Variants in WDR27 observed in about 807,000 individuals in gnomAD.
WDR27 encodes the protein WD repeat-containing protein 27.
A neutral mutation model predicts 114.4 loss-of-function variants in WDR27; 100 were observed. The ratio of observed to expected loss-of-function variants is 0.87; its 90% CI spans 0.74 to 1.03. The LOEUF (loss-of-function observed/expected upper bound fraction) is 1.03, where lower values mean the gene tolerates loss of function less well. Among genes scored for constraint, WDR27 ranks in the 50% least tolerant of loss-of-function variants. The probability of loss-of-function intolerance (pLI) is 0.00; values close to 1 mark genes in which losing one functional copy is unlikely to be tolerated. For synonymous variants in WDR27, 449 were observed against 423.1 expected, an observed-to-expected ratio of 1.06 and a Z score of -0.75; for missense variants, 1,129 against 1,092.9, an observed-to-expected ratio of 1.03 and a Z score of -0.47.
chr6:169,492,262 C>T (rs1789867988), intron 25 of WDR27, among the ~76,000 whole-genome samples: 2 of 147,968 alleles, frequency 1.4e-5, no homozygotes, highest in East Asian at 2.0e-4. Flanking sequence ...CTAGACAAAA[C>T]ACATTTGAAG....
intron 14 of WDR27, among the ~76,000 whole-genome samples, chr6:169,649,723 C>G (rs749079584): frequency 5.3e-5 from 8 of 151,968 alleles, no homozygotes; most frequent in Non-Finnish European, 1.2e-4. Flanking sequence ...CATCACCCAT[C>G]CATTCACTCA....
rs987884300 is a variant in WDR27 at position 169,555,907 on chromosome 6, C to T, written c.2645+16512G>A. On this transcript the variant is annotated intron_variant, in intron 25 of 25. Transcript: ENST00000448612. Reference sequence around the variant, plus strand: ...TTGTTTTTAACACGTGTTGCTGGAGCAAACCGATACTCATATAGGGAAAAA... The same window carrying T: ...TTGTTTTTAACACGTGTTGCTGGAGTAAACCGATACTCATATAGGGAAAAA... Among the ~76,000 whole-genome samples the T allele has an allele frequency of 2.0e-5, 3 of 152,068 alleles. No homozygotes were observed. In the East Asian group the frequency reaches 5.8e-4, roughly 29 times the overall value.
At chr6:169,604,652 A>G (rs1808736811) in intron 22 of WDR27, among the ~76,000 whole-genome samples, 1 of 152,158 alleles carries the variant, frequency 6.6e-6, no homozygotes, top group East Asian at 1.9e-4. Context: ...ACAAAGAAAG[A>G]AAACTGCAGT....
intron 25 of WDR27, among the ~76,000 whole-genome samples, chr6:169,466,121 C>T (rs1785549284): frequency 6.6e-6 from 1 of 152,206 alleles, no homozygotes; most frequent in Non-Finnish European, 1.5e-5. Flanking sequence ...GAGCCCAGAA[C>T]ATGGGTCTCT....
chr6:169,583,020 A>G, intron 23 of WDR27, 86 bp from the exon 24 acceptor site: 2 of 1,135,394 alleles, frequency 1.8e-6, no homozygotes, highest in Non-Finnish European at 2.6e-6. Flanking sequence ...GACCATCTAT[A>G]GATTAGTGTA....
chr6:169,666,681 G>T, intron 6 of WDR27: 1 of 986,516 alleles, frequency 1.0e-6, no homozygotes, highest in Non-Finnish European at 1.2e-6. Flanking sequence ...TCTGAGGGAA[G>T]AACGCAAGGA....
At chr6:169,568,449 G>A (rs760569209) in intron 25 of WDR27, among the ~76,000 whole-genome samples, 2 of 152,100 alleles carry the variant, frequency 1.3e-5, no homozygotes, top group African/African-American at 2.4e-5. Context: ...CAGGGAGTAA[G>A]GACACAAGCT....
intron 25 of WDR27, among the ~76,000 whole-genome samples, chr6:169,471,722 T>C (rs1047640636): frequency 3.9e-5 from 6 of 152,226 alleles, no homozygotes; most frequent in South Asian, 2.1e-4. Flanking sequence ...TTTTAAGGTG[T>C]CCCAATAATA....
downstream of WDR27, among the ~76,000 whole-genome samples, chr6:169,455,186 C>T (rs1187958106): frequency 1.3e-5 from 2 of 152,190 alleles, no homozygotes; most frequent in Non-Finnish European, 2.9e-5. Flanking sequence ...TCAGCCTGAT[C>T]AAGTCGACAG....
intron 23 of WDR27, among the ~76,000 whole-genome samples, chr6:169,593,385 G>T (rs1302251629): frequency 6.6e-6 from 1 of 152,098 alleles, no homozygotes; most frequent in African/African-American, 2.4e-5. Context: ...CATTTGTATA[G>T]AGGCTTTCAT....
At chr6:169,437,315 G>A in the WDR27 span, among the ~76,000 whole-genome samples, 3 of 152,106 alleles carry the variant, frequency 2.0e-5, no homozygotes, top group Non-Finnish European at 2.9e-5. Context: ...AAGGACCAAA[G>A]TCTGGTACTC....
At chr6:169,592,949 G>A (rs1806041018) in intron 23 of WDR27, among the ~76,000 whole-genome samples, 1 of 152,190 alleles carries the variant, frequency 6.6e-6, no homozygotes, top group Non-Finnish European at 1.5e-5. Flanking sequence ...TTAATATTAT[G>A]AGGGAATTAT....
intron 25 of WDR27, among the ~76,000 whole-genome samples, chr6:169,504,399 T>C (rs1250813116): frequency 3.3e-5 from 5 of 152,160 alleles, no homozygotes; most frequent in African/African-American, 1.2e-4. Context: ...TTTCTTGTGA[T>C]AGTGATTAAG....
intron 3 of WDR27, 148 bp from the exon 4 acceptor site, chr6:169,670,841 T>C (rs564705849): frequency 2.7e-6 from 3 of 1,120,354 alleles, no homozygotes; most frequent in African/African-American, 3.1e-5. Flanking sequence ...TCTTTAAGAA[T>C]ATCAAAAATA....
At chr6:169,503,863 C>T (rs1281273720) in intron 25 of WDR27, among the ~76,000 whole-genome samples, 2 of 152,012 alleles carry the variant, frequency 1.3e-5, no homozygotes, top group African/African-American at 4.8e-5. Flanking sequence ...AAAAGCTAAG[C>T]AGTCCATTCT....
At chr6:169,458,293 G>A (rs140847442) in intron 25 of WDR27, among the ~76,000 whole-genome samples, 6 of 152,230 alleles carry the variant, frequency 3.9e-5, no homozygotes, top group Admixed American at 6.5e-5. Flanking sequence ...CAAATGTCAG[G>A]GACCTGTTCT....
intron 16 of WDR27, among the ~76,000 whole-genome samples, chr6:169,647,494 G>A (rs1423857645): frequency 3.9e-5 from 6 of 152,174 alleles, no homozygotes; most frequent in Admixed American, 1.3e-4. Context: ...AGCAAACCCC[G>A]GAGGAGCTGG....
At chr6:169,500,107 T>C (rs922112696) in intron 25 of WDR27, among the ~76,000 whole-genome samples, 10 of 152,204 alleles carry the variant, frequency 6.6e-5, no homozygotes, top group Non-Finnish European at 1.5e-4. Flanking sequence ...CGCTACTCAG[T>C]ATAAAACTTT....
intron 12 of WDR27, 146 bp from the exon 13 acceptor site, chr6:169,658,504 A>C: frequency 3.1e-6 from 2 of 635,938 alleles, no homozygotes; most frequent in Non-Finnish European, 5.6e-6. Flanking sequence ...AAAACTGTCA[A>C]GTGTATTCTT....
Sources: gnomAD v4.1 joint callset for allele counts (sites outside exome capture counted in the v4.1 genomes callset) on GRCh38, gnomAD v4.1.1 for gene constraint, MANE v1.5 for transcripts, NCBI Gene and HGNC (gene_info 2026-07-23, HGNC 2026-07-21) for gene names.